LRMDA: variants seen among roughly 807,000 people sequenced by gnomAD.
LRMDA encodes leucine rich melanocyte differentiation associated.
Under a neutral mutation model 29.8 loss-of-function variants are expected in LRMDA, and 18 were observed. The observed-to-expected ratio is 0.60, with a 90% CI of 0.42 to 0.90. The LOEUF is 0.90. Among genes scored for constraint, LRMDA ranks in the 40% least tolerant of loss-of-function variants. The probability of loss-of-function intolerance (pLI) is 0.00; values close to 1 mark genes in which losing one functional copy is unlikely to be tolerated. For missense variants in LRMDA, 273 were observed against 273.9 expected (o/e 1.00, Z 0.02); for synonymous variants, 125 against 109.4 (o/e 1.14, Z -0.89).
rs540082400 is a variant in LRMDA at position 76,559,066 on chromosome 10, A to G, written c.*1778A>G. On this transcript the variant is annotated 3_prime_UTR_variant, in exon 7 of 7. Coordinates refer to ENST00000611255, the MANE Select transcript of LRMDA (RefSeq NM_001305581.2). ...GGTCATTGTTTAGAAGCATCAACACATGTTTTCTCCCTGGCATAATATGGG... is the reference window on the plus strand; with the variant it reads ...GGTCATTGTTTAGAAGCATCAACACGTGTTTTCTCCCTGGCATAATATGGG... The G allele has an allele frequency of 5.9e-5, 9 of 152,226 alleles. No individual in the cohort carries two copies. Among genetic ancestry groups the G allele is most frequent in the Admixed American group, 6.5e-5 (1 of 15,292 alleles). The allele number at this position is 152,226 out of a possible 1,614,324, so 9.4% of individuals were successfully genotyped here.
At chr10:76,506,990 C>T (rs1332334458) in intron 6 of LRMDA, among the ~76,000 whole-genome samples, 1 of 151,950 alleles carries the variant, frequency 6.6e-6, no homozygotes, top group Non-Finnish European at 1.5e-5. Flanking sequence ...AGTGGGATTT[C>T]TGGATCATAT....
chr10:75,979,891 G>C (rs1393001858), intron 2 of LRMDA, among the ~76,000 whole-genome samples: 2 of 152,186 alleles, frequency 1.3e-5, no homozygotes, highest in East Asian at 3.8e-4. Flanking sequence ...GACATTAATA[G>C]ACTAATATGT....
chr10:76,270,537 T>C (rs1840054955), intron 5 of LRMDA: 1 of 151,920 alleles, frequency 6.6e-6, no homozygotes, highest in Non-Finnish European at 1.5e-5. Flanking sequence ...GGGCAGGGAG[T>C]GTGGATGCCG....
chr10:76,116,505 G>A (rs150917444), intron 5 of LRMDA, among the ~76,000 whole-genome samples: 403 of 152,214 alleles, frequency 2.6e-3, no homozygotes, highest in African/African-American at 8.8e-3. Flanking sequence ...CCCTTGATGA[G>A]TCTGTTGGTA....
chr10:75,533,911 C>T (rs894283853), intron 2 of LRMDA, among the ~76,000 whole-genome samples: 6 of 152,184 alleles, frequency 3.9e-5, no homozygotes, highest in Non-Finnish European at 4.4e-5. Flanking sequence ...ATATGTGCAA[C>T]ATATGAGGAC....
intron 2 of LRMDA, among the ~76,000 whole-genome samples, chr10:75,611,279 G>C (rs573311032): frequency 1.3e-5 from 2 of 152,126 alleles, no homozygotes; most frequent in Admixed American, 1.3e-4. Flanking sequence ...TTGTAAAGTC[G>C]ATCTGTGAGC....
At chr10:76,267,992 C>A (rs1840026293) in intron 5 of LRMDA, among the ~76,000 whole-genome samples, 1 of 152,098 alleles carries the variant, frequency 6.6e-6, no homozygotes, top group Admixed American at 6.5e-5. Context: ...TATATTTGTT[C>A]TGTATACCTC....
intron 5 of LRMDA, among the ~76,000 whole-genome samples, chr10:76,157,615 T>C (rs901292942): frequency 4.0e-5 from 6 of 151,134 alleles, no homozygotes; most frequent in Admixed American, 2.6e-4. Flanking sequence ...TACTGTCTCT[T>C]AAAAACAAAA....
intron 2 of LRMDA, among the ~76,000 whole-genome samples, chr10:75,755,498 A>C (rs939190999): frequency 6.6e-6 from 1 of 152,236 alleles, no homozygotes; most frequent in Non-Finnish European, 1.5e-5. Flanking sequence ...GAAAGAGACA[A>C]AGGTATAAAC....
intron 6 of LRMDA, among the ~76,000 whole-genome samples, chr10:76,495,269 T>G (rs1842871062): frequency 6.6e-6 from 1 of 151,946 alleles, no homozygotes. Flanking sequence ...TATTGTAAAC[T>G]ATCTTTCTCT....
At chr10:76,457,346 A>G (rs2132304955) in intron 6 of LRMDA, among the ~76,000 whole-genome samples, 1 of 152,312 alleles carries the variant, frequency 6.6e-6, no homozygotes, top group African/African-American at 2.4e-5. Context: ...ACACTTTCTC[A>G]GTCATTCATA....
intron 2 of LRMDA, among the ~76,000 whole-genome samples, chr10:75,447,478 A>T (rs1844408475): frequency 1.3e-5 from 2 of 152,146 alleles, no homozygotes; most frequent in Admixed American, 1.3e-4. Flanking sequence ...ATGAGCCAAG[A>T]TCACACCACT....
chr10:75,647,228 T>A (rs1302788894), intron 2 of LRMDA, among the ~76,000 whole-genome samples: 1 of 152,214 alleles, frequency 6.6e-6, no homozygotes, highest in Non-Finnish European at 1.5e-5. Context: ...AACTTTGAGC[T>A]GGAACTCTTG....
At chr10:76,352,233 G>C (rs1038062458) in intron 6 of LRMDA, among the ~76,000 whole-genome samples, 1 of 152,212 alleles carries the variant, frequency 6.6e-6, no homozygotes, top group South Asian at 2.1e-4. Context: ...TATGTATACT[G>C]TATTATTTTT....
At chr10:75,980,459 A>T (rs1847147419) in intron 2 of LRMDA, among the ~76,000 whole-genome samples, 1 of 152,224 alleles carries the variant, frequency 6.6e-6, no homozygotes, top group Non-Finnish European at 1.5e-5. Context: ...GGAATGGGAC[A>T]GTGACTTACA....
At chr10:76,137,793 A>AAC (rs1850124961) in intron 5 of LRMDA, among the ~76,000 whole-genome samples, 1 of 151,990 alleles carries the variant, frequency 6.6e-6, no homozygotes, top group African/African-American at 2.4e-5. Context: ...AAAACAAACA[A>AAC]AAAACCCTAA....
chr10:76,317,118 C>T (rs990992022), intron 5 of LRMDA, among the ~76,000 whole-genome samples: 3 of 152,128 alleles, frequency 2.0e-5, no homozygotes, highest in East Asian at 1.9e-4. Context: ...TGTGGGGCTA[C>T]GGAAACAGTT....
intron 6 of LRMDA, among the ~76,000 whole-genome samples, chr10:76,473,496 C>T (rs537873693): frequency 6.6e-6 from 1 of 151,474 alleles, no homozygotes; most frequent in East Asian, 2.0e-4. Flanking sequence ...TTTAACATTA[C>T]AGTTAAAGTG....
intron 2 of LRMDA, among the ~76,000 whole-genome samples, chr10:75,880,157 C>G (rs1333269478): frequency 1.3e-5 from 2 of 152,142 alleles, no homozygotes; most frequent in Non-Finnish European, 2.9e-5. Flanking sequence ...ATTGTTAAAA[C>G]CCAATATATG....
Sources: allele counts gnomAD v4.1 joint callset (sites outside exome capture counted in the v4.1 genomes callset), GRCh38; gene constraint gnomAD v4.1.1; transcripts MANE v1.5; gene names NCBI Gene and HGNC (gene_info 2026-07-23, HGNC 2026-07-21).